Variants in QRICH2 observed in about 807,000 individuals in gnomAD.
QRICH2 encodes the protein glutamine-rich protein 2.
QRICH2 carries 119 observed loss-of-function variants against 168.3 expected under a neutral mutation model. The ratio of observed to expected loss-of-function variants is 0.71; its 90% confidence interval spans 0.61 to 0.82. The LOEUF (loss-of-function observed/expected upper bound fraction) is 0.82. Among genes scored for constraint, QRICH2 ranks in the 40% least tolerant of loss-of-function variants. The pLI is 0.00. For synonymous variants in QRICH2, 894 were observed against 951.2 expected (o/e 0.94, Z 1.11); for missense variants, 2,241 against 2,491.6 (o/e 0.90, Z 2.14).
chr17:76,308,166 G>A lies in QRICH2; in HGVS notation c.-168C>T, dbSNP rs1285189029. ...GAGCTCCTGCCTCCAGGGAATCTGC[G>A]CCTCCGCTCCCCGGCGGGGTCCGCG... On this transcript the variant is annotated 5_prime_UTR_variant, in exon 1 of 19. Coordinates refer to ENST00000680821, the MANE Select transcript of QRICH2 (RefSeq NM_001388453.1). 2.0e-6 allele frequency: 2 copies of A among 985,420 alleles called. No individual in the cohort carries two copies. The highest frequency in any genetic ancestry group is 2.3e-4 in the East Asian group (2 of 8,816). 61.0% of individuals were successfully genotyped at this position (985,420 alleles called of 1,614,324 possible). A position where few individuals can be genotyped will look rare whatever the true frequency, so the allele number is the denominator to read the frequency against.
chr17:76,304,761 G>C (rs1008780796), intron 2 of QRICH2, 121 bp downstream of exon 2: 1 of 819,752 alleles, frequency 1.2e-6, no homozygotes, highest in Non-Finnish European at 2.1e-6. Flanking sequence ...CTGGGGCAGA[G>C]ACTTGAGAGG....
At chr17:76,282,318 A>G (rs1452476193) in intron 7 of QRICH2, among the ~76,000 whole-genome samples, 1 of 152,220 alleles carries the variant, frequency 6.6e-6, no homozygotes, top group Non-Finnish European at 1.5e-5. Flanking sequence ...CCGAGAACAC[A>G]GTGTCAACAC....
chr17:76,298,336 G>A (rs1485291164), intron 3 of QRICH2, among the ~76,000 whole-genome samples: 1 of 150,376 alleles, frequency 6.6e-6, no homozygotes, highest in Non-Finnish European at 1.5e-5. Flanking sequence ...CCACCACCAC[G>A]CCCGGATAAT....
At chr17:76,302,401 G>T (rs1370495362) in intron 3 of QRICH2, among the ~76,000 whole-genome samples, 1 of 149,772 alleles carries the variant, frequency 6.7e-6, no homozygotes, top group Non-Finnish European at 1.5e-5. Context: ...ACTATGGTGT[G>T]CTGAATATAA....
At chr17:76,276,115 C>T (rs912581187) in intron 17 of QRICH2, among the ~76,000 whole-genome samples, 168 bp from the exon 18 acceptor site, 23 of 147,812 alleles carry the variant, frequency 1.6e-4, no homozygotes, top group African/African-American at 5.9e-4. Flanking sequence ...AAGCGGTCTT[C>T]ATTCATTCTC....
intron 4 of QRICH2, 91 bp downstream of exon 4, chr17:76,290,924 G>A: frequency 6.5e-7 from 1 of 1,533,492 alleles, no homozygotes; most frequent in Non-Finnish European, 8.8e-7. Context: ...GAGATGTGTA[G>A]CAGCCAGGAG....
At chr17:76,297,875 T>G (rs996274774) in intron 3 of QRICH2, among the ~76,000 whole-genome samples, 4 of 61,126 alleles carry the variant, frequency 6.5e-5, no homozygotes, top group East Asian at 2.5e-3. Context: ...AATCTGTTTT[T>G]TTTTTTTTTT....
rs759960179 is a variant in QRICH2, at chr17:76,292,946, C to G, written c.1781G>C (p.Gly594Ala). 1.2e-6 allele frequency: 2 copies of G among 1,613,978 alleles called. No individual in the cohort carries two copies. Among genetic ancestry groups the G allele is most frequent in the Middle Eastern group, 1.6e-4 (1 of 6,062 alleles). Residue 594 changes from glycine to alanine, a missense_variant, in exon 4 of 19, where the codon GGT becomes GCT. Around this residue, in one of 3 missense-constraint regions of QRICH2, gnomAD observed 2,047 missense variants for 2,303.8 expected, o/e 0.89. Coordinates refer to ENST00000680821, the MANE Select transcript of QRICH2 (RefSeq NM_001388453.1). ...GAYQPGLVQP[G>A]ADQRGLVRPG... ...CCGGACCAAACCACGCTGATCTGCA[C>G]CAGGTTGGACCAAGCCAGGCTGATA...
intron 17 of QRICH2, among the ~76,000 whole-genome samples, chr17:76,276,391 G>A (rs1361011020): frequency 6.6e-6 from 1 of 152,218 alleles, no homozygotes; most frequent in Non-Finnish European, 1.5e-5. Flanking sequence ...CCCTGATGAT[G>A]CCATGGACAG....
intron 18 of QRICH2, 118 bp downstream of exon 18, chr17:76,275,701 C>A (rs891418819): frequency 3.0e-5 from 40 of 1,316,206 alleles, no homozygotes; most frequent in South Asian, 2.2e-4. Context: ...CCCATCCCCC[C>A]CTTCGGCTCC....
At chr17:76,284,568 C>G (rs1468197147) in intron 7 of QRICH2, among the ~76,000 whole-genome samples, 1 of 151,200 alleles carries the variant, frequency 6.6e-6, no homozygotes, top group Non-Finnish European at 1.5e-5. Context: ...CCTGTAATCC[C>G]AGCACTTTGG....
intron 3 of QRICH2, chr17:76,301,498 G>A (rs572435242): frequency 7.5e-4 from 161 of 215,934 alleles, no homozygotes; most frequent in African/African-American, 3.5e-3. Flanking sequence ...AGCCCCAGAG[G>A]GGAAGGTTGC....
chr17:76,302,888 G>GTT (rs888742976), intron 3 of QRICH2, among the ~76,000 whole-genome samples: 4 of 145,052 alleles, frequency 2.8e-5, no homozygotes, highest in Non-Finnish European at 6.1e-5. Flanking sequence ...ACCTACTTTT[G>GTT]TTTTTTTTTT....
Position 76,288,700 on chromosome 17 carries a change from G to A in QRICH2, c.3799-803C>T, listed in dbSNP as rs138741240. ...AGCCTGGGCAACAGAGCGAGACTCC[G>A]TCTCAATTTAAAAAAAAAAAGGAGA... is the stretch of plus-strand genomic sequence containing the variant. On this transcript the variant is annotated intron_variant, in intron 5 of 18. Transcript: ENST00000680821. Among the ~76,000 whole-genome samples the A allele has an allele frequency of 2.6e-3, 396 of 151,920 alleles. 3 individuals are homozygous for A. Among genetic ancestry groups the A allele is most frequent in the African/African-American group, 8.6e-3 (356 of 41,446 alleles).
chr17:76,294,978 T>A (rs142831388), intron 3 of QRICH2, among the ~76,000 whole-genome samples: 7,403 of 151,782 alleles, frequency 0.049, 626 homozygotes, highest in African/African-American at 0.17. Context: ...ATGCCTGTAA[T>A]CCCAGCACTT....
intron 5 of QRICH2, among the ~76,000 whole-genome samples, chr17:76,288,383 T>TAAAA (rs770162922): frequency 1.5e-4 from 6 of 39,264 alleles, no homozygotes; most frequent in African/African-American, 5.9e-4. Flanking sequence ...GAATCAGTCT[T>TAAAA]AAAAAAAAAA....
intron 4 of QRICH2, among the ~76,000 whole-genome samples, chr17:76,290,398 T>C (rs767438533): frequency 9.2e-5 from 14 of 152,158 alleles, no homozygotes; most frequent in Non-Finnish European, 1.6e-4. Flanking sequence ...TTTGTTTTGT[T>C]TGAGACAGGG....
upstream of QRICH2, chr17:76,309,671 C>T (rs1270207901): frequency 6.7e-6 from 1 of 149,870 alleles, no homozygotes; most frequent in Non-Finnish European, 1.5e-5. Flanking sequence ...AATAATACAG[C>T]ATGACCACCA....
rs750579146 is a variant in QRICH2 at position 76,274,110 on chromosome 17, G to A, written c.5633C>T (p.Thr1878Met). 1.4e-5 allele frequency: 22 copies of A among 1,583,656 alleles called. No homozygotes were observed. Among genetic ancestry groups the A allele is most frequent in the East Asian group, 4.8e-5 (2 of 41,774 alleles). The change falls in exon 19 of 19, where the codon ACG (threonine) becomes ATG (methionine). Residue 1878 changes from threonine to methionine, a missense_variant. Thr to Met is a moderately conservative substitution (Grantham distance 81, BLOSUM62 -1). Around this residue, in one of 3 missense-constraint regions of QRICH2, gnomAD observed 189 missense variants for 169.3 expected, o/e 1.12. Transcript: ENST00000680821. ...MPPGEGLEEP[T>M]RGPRSSTAQ ...AGCGGTGCTGGACCGCGGCCCCCGC[G>A]TGGGCTCCTCGAGCCCCTCCCCAGG...
Sources: gnomAD v4.1 joint callset for allele counts (sites outside exome capture counted in the v4.1 genomes callset) on GRCh38, gnomAD v4.1.1 for gene constraint, gnomAD v4.1.1 regional missense constraint, MANE v1.5 for transcripts, NCBI Gene and HGNC (gene_info 2026-07-23, HGNC 2026-07-21) for gene names.